Variants in ZNF385B observed in about 807,000 individuals in gnomAD.
The protein encoded by ZNF385B is zinc finger protein 533.
A neutral mutation model predicts 39.2 loss-of-function variants in ZNF385B; 23 were observed. That is an observed-to-expected ratio of 0.59 (90% CI 0.42 to 0.83). The LOEUF is 0.83. Ranked by LOEUF, ZNF385B falls within the 40% of genes least tolerant of loss-of-function variation. The pLI, the probability that ZNF385B is intolerant of heterozygous loss-of-function variation, is 0.00. For missense variants in ZNF385B, 552 were observed against 598.9 expected, an observed-to-expected ratio of 0.92 and a Z score of 0.82; for synonymous variants, 205 against 222.6, an observed-to-expected ratio of 0.92 and a Z score of 0.70.
At chr2:179,629,603 G>A (rs1691004850) in intron 3 of ZNF385B, among the ~76,000 whole-genome samples, 1 of 152,166 alleles carries the variant, frequency 6.6e-6, no homozygotes, top group Non-Finnish European at 1.5e-5. Context: ...CGTGATCAAT[G>A]CAGAAGACGG....
intron 1 of ZNF385B, among the ~76,000 whole-genome samples, chr2:179,821,786 T>G (rs1334910930): frequency 6.6e-6 from 1 of 151,972 alleles, no homozygotes; most frequent in Non-Finnish European, 1.5e-5. Context: ...CAAGCAGAAG[T>G]CCCCAAGGAA....
intron 6 of ZNF385B, 31 bp from the exon 7 acceptor site, chr2:179,446,801 G>A (rs894685382): frequency 3.2e-6 from 5 of 1,580,206 alleles, no homozygotes; most frequent in Middle Eastern, 1.7e-4. Flanking sequence ...TCTTATTGAA[G>A]CCTCATATAT....
At chr2:179,688,688 C>T (rs186413566) in intron 3 of ZNF385B, among the ~76,000 whole-genome samples, 219 of 152,218 alleles carry the variant, frequency 1.4e-3, no homozygotes, top group African/African-American at 5.0e-3. Context: ...CACTTAATAT[C>T]GACCCTCTAG....
At chr2:179,711,881 ATTTTTTTTTTT>A (rs747336802) in intron 3 of ZNF385B, among the ~76,000 whole-genome samples, 86 of 90,920 alleles carry the variant, frequency 9.5e-4, no homozygotes, top group Non-Finnish European at 1.5e-3. Context: ...TATAAACTGC[ATTTTTTTTTTT>A]TTTTTTTTTT....
At chr2:179,542,585 T>A (rs1215373665) in intron 4 of ZNF385B, among the ~76,000 whole-genome samples, 1 of 152,202 alleles carries the variant, frequency 6.6e-6, no homozygotes, top group African/African-American at 2.4e-5. Flanking sequence ...GTACCCTCTA[T>A]GCAACATGAA....
At chr2:179,754,631 G>T (rs570091213) in intron 3 of ZNF385B, among the ~76,000 whole-genome samples, 67 of 152,284 alleles carry the variant, frequency 4.4e-4, no homozygotes, top group African/African-American at 1.5e-3. Context: ...TCTCTTCAGA[G>T]ATTGAACTTC....
intron 1 of ZNF385B, among the ~76,000 whole-genome samples, chr2:179,808,199 A>AT (rs1250217387): frequency 6.6e-6 from 1 of 151,846 alleles, no homozygotes; most frequent in Non-Finnish European, 1.5e-5. Context: ...CGCCTGGCTA[A>AT]TTTTTTGTAT....
chr2:179,856,969 G>T (rs1186684214), intron 1 of ZNF385B, among the ~76,000 whole-genome samples: 1 of 152,122 alleles, frequency 6.6e-6, no homozygotes, highest in African/African-American at 2.4e-5. Context: ...ATCATCTACT[G>T]CACCTTGCTT....
intron 6 of ZNF385B, among the ~76,000 whole-genome samples, chr2:179,450,949 A>C (rs1043017417): frequency 2.6e-5 from 4 of 152,052 alleles, no homozygotes; most frequent in African/African-American, 9.7e-5. Flanking sequence ...TGTCCTTTGC[A>C]GGGACATGGA....
At chr2:179,515,203 AATCT>A (rs1214697136) in intron 5 of ZNF385B, among the ~76,000 whole-genome samples, 4 of 152,328 alleles carry the variant, frequency 2.6e-5, no homozygotes, top group East Asian at 3.9e-4. Flanking sequence ...TGTTTTGAAG[AATCT>A]ATCTATCATC....
chr2:179,510,875 A>G (rs759058215), intron 5 of ZNF385B, among the ~76,000 whole-genome samples: 23 of 152,182 alleles, frequency 1.5e-4, no homozygotes, highest in Non-Finnish European at 2.6e-4. Context: ...TAACATGCAG[A>G]TAGAATTTCT....
At chr2:179,628,120 T>G (rs1272372267) in intron 3 of ZNF385B, among the ~76,000 whole-genome samples, 2 of 152,178 alleles carry the variant, frequency 1.3e-5, no homozygotes, top group Non-Finnish European at 2.9e-5. Flanking sequence ...AGTTTGTATT[T>G]CTAAGAGATA....
chr2:179,720,206 T>A (rs1326746258), intron 3 of ZNF385B, among the ~76,000 whole-genome samples: 1 of 152,036 alleles, frequency 6.6e-6, no homozygotes, highest in Non-Finnish European at 1.5e-5. Context: ...ATCAACAATT[T>A]AAAATAGTGA....
intron 6 of ZNF385B, among the ~76,000 whole-genome samples, chr2:179,465,959 A>C (rs147022456): frequency 6.6e-6 from 1 of 152,184 alleles, no homozygotes; most frequent in Non-Finnish European, 1.5e-5. Flanking sequence ...TGAAATAAGG[A>C]ATGTCCAATT....
chr2:179,504,559 G>T (rs931987812), intron 5 of ZNF385B, among the ~76,000 whole-genome samples: 1 of 151,822 alleles, frequency 6.6e-6, no homozygotes, highest in Non-Finnish European at 1.5e-5. Context: ...ACTTTTTAAT[G>T]ATTGCCATTC....
intron 5 of ZNF385B, among the ~76,000 whole-genome samples, chr2:179,517,904 TTCTC>T (rs773723763): frequency 6.6e-6 from 1 of 152,172 alleles, no homozygotes; most frequent in Non-Finnish European, 1.5e-5. Flanking sequence ...TTATGAAACT[TTCTC>T]TATATTTTAT....
At chr2:179,610,544 T>C (rs2106130847) in intron 3 of ZNF385B, among the ~76,000 whole-genome samples, 1 of 152,302 alleles carries the variant, frequency 6.6e-6, no homozygotes, top group East Asian at 1.9e-4. Context: ...TCTGGGTCTT[T>C]TGTGATTTCA....
chr2:179,831,442 C>T (rs1156376227), intron 1 of ZNF385B, among the ~76,000 whole-genome samples: 1 of 150,388 alleles, frequency 6.6e-6, no homozygotes, highest in Non-Finnish European at 1.5e-5. Flanking sequence ...AGCAAAACTG[C>T]ATGAACATTT....
chr2:179,532,227 C>T (rs1042403585), intron 4 of ZNF385B, among the ~76,000 whole-genome samples: 2 of 152,166 alleles, frequency 1.3e-5, no homozygotes, highest in Non-Finnish European at 2.9e-5. Context: ...TAGTTACTTC[C>T]AGGCAAAACT....
Sources: allele counts gnomAD v4.1 joint callset (sites outside exome capture counted in the v4.1 genomes callset), GRCh38; gene constraint gnomAD v4.1.1; transcripts MANE v1.5; gene names NCBI Gene and HGNC (gene_info 2026-07-23, HGNC 2026-07-21).